SPAST: variants seen among roughly 807,000 people sequenced by gnomAD.
SPAST encodes spastin.
SPAST carries 30 observed loss-of-function variants against 76.6 expected under a neutral mutation model. That is an observed-to-expected ratio of 0.39 (90% CI 0.29 to 0.53). SPAST has a LOEUF of 0.53. SPAST is among the 20% of genes least tolerant of loss of function. SPAST has a pLI of 0.68. For synonymous variants in SPAST, 305 were observed against 281.0 expected (o/e 1.09, Z -0.86); for missense variants, 717 against 770.5 (o/e 0.93, Z 0.82).
intron 9 of SPAST, among the ~76,000 whole-genome samples, chr2:32,135,944 G>T (rs1354152337): frequency 6.6e-6 from 1 of 152,086 alleles, no homozygotes; most frequent in Non-Finnish European, 1.5e-5. Context: ...CAGGCGTGGT[G>T]GTGGGCGCCT....
chr2:32,078,914 A>G (rs1677086345), intron 1 of SPAST, among the ~76,000 whole-genome samples: 1 of 152,040 alleles, frequency 6.6e-6, no homozygotes, highest in African/African-American at 2.4e-5. Context: ...TGAAGTGGTA[A>G]GAACATGGCT....
chr2:32,074,597 C>T (rs183627781), intron 1 of SPAST, among the ~76,000 whole-genome samples: 6 of 152,062 alleles, frequency 3.9e-5, no homozygotes, highest in Admixed American at 2.6e-4. Context: ...GCCTCTGCCT[C>T]CTGGATTCAA....
intron 16 of SPAST, among the ~76,000 whole-genome samples, chr2:32,152,693 A>G (rs1680127450): frequency 6.6e-6 from 1 of 151,926 alleles, no homozygotes; most frequent in Admixed American, 6.6e-5. Context: ...AATAGGAAAC[A>G]AGTAGGGTTC....
At chr2:32,067,348 C>A (rs528344410) in intron 1 of SPAST, among the ~76,000 whole-genome samples, 2 of 152,090 alleles carry the variant, frequency 1.3e-5, no homozygotes, top group Non-Finnish European at 2.9e-5. Context: ...AGGTGTGAGC[C>A]GCGGTGACCG....
intron 1 of SPAST, among the ~76,000 whole-genome samples, chr2:32,067,625 A>C (rs1024522988): frequency 6.6e-6 from 1 of 151,712 alleles, no homozygotes; most frequent in African/African-American, 2.4e-5. Flanking sequence ...TTTCAGTTGG[A>C]TATATTAAAT....
intron 4 of SPAST, 122 bp from the exon 5 acceptor site, chr2:32,114,516 C>G (rs1678747107): frequency 2.6e-6 from 2 of 776,838 alleles, no homozygotes; most frequent in South Asian, 1.7e-5. Context: ...TCATTGAAAT[C>G]TTATTTTGAA....
chr2:32,145,058 AGAAGTT>A (rs1367779353), intron 15 of SPAST, 51 bp downstream of exon 15: 2 of 1,306,636 alleles, frequency 1.5e-6, no homozygotes, highest in Non-Finnish European at 2.2e-6. Context: ...ATACCACCTT[AGAAGTT>A]TAAGAAGTCC....
At chr2:32,109,941 T>TGTATATGCATATACATAC (rs1678476313) in intron 4 of SPAST, among the ~76,000 whole-genome samples, 3 of 148,574 alleles carry the variant, frequency 2.0e-5, no homozygotes. Flanking sequence ...CATATACATA[T>TGTATATGCATATACATAC]ATAGTTACAT....
At chr2:32,117,356 C>A (rs966289584) in intron 7 of SPAST, among the ~76,000 whole-genome samples, 3 of 151,804 alleles carry the variant, frequency 2.0e-5, no homozygotes, top group Non-Finnish European at 4.4e-5. Context: ...ATGAGTTTTC[C>A]CAGAATTGGA....
intron 14 of SPAST, among the ~76,000 whole-genome samples, chr2:32,144,706 C>G (rs191571450): frequency 3.3e-5 from 5 of 151,678 alleles, no homozygotes; most frequent in African/African-American, 1.2e-4. Flanking sequence ...ACCAACATGG[C>G]GAAACGCCAT....
chr2:32,144,605 G>T (rs1331781688), intron 14 of SPAST, among the ~76,000 whole-genome samples: 1 of 152,192 alleles, frequency 6.6e-6, no homozygotes, highest in Non-Finnish European at 1.5e-5. Context: ...TGCTGTTTCA[G>T]CTGGGTGCGG....
chr2:32,124,730 A>C (rs1355640745), intron 7 of SPAST, among the ~76,000 whole-genome samples: 4 of 152,226 alleles, frequency 2.6e-5, no homozygotes, highest in Admixed American at 2.6e-4. Flanking sequence ...ATGATCTATC[A>C]AGCCACAAAA....
intron 7 of SPAST, among the ~76,000 whole-genome samples, chr2:32,125,756 G>C (rs1483129458): frequency 6.6e-6 from 1 of 151,900 alleles, no homozygotes; most frequent in Non-Finnish European, 1.5e-5. Flanking sequence ...CCTTTGGTGG[G>C]GAGTTCCTCA....
chr2:32,098,671 T>C, intron 3 of SPAST, 125 bp from the exon 4 acceptor site: 2 of 632,566 alleles, frequency 3.2e-6, no homozygotes, highest in South Asian at 4.0e-5. Context: ...ATGCAAAAAC[T>C]TTTTATCATG....
chr2:32,153,972 G>C (rs889480401), intron 16 of SPAST, among the ~76,000 whole-genome samples: 4 of 152,152 alleles, frequency 2.6e-5, no homozygotes, highest in African/African-American at 9.7e-5. Flanking sequence ...AGCTACTCGG[G>C]AGGCTGAGAC....
chr2:32,142,865 A>T (rs1043789864), intron 13 of SPAST, among the ~76,000 whole-genome samples: 4 of 152,166 alleles, frequency 2.6e-5, no homozygotes, highest in African/African-American at 9.7e-5. Flanking sequence ...TGAATTATAT[A>T]CTTACAATGG....
intron 7 of SPAST, among the ~76,000 whole-genome samples, chr2:32,116,899 A>G (rs1678855401): frequency 6.6e-6 from 1 of 152,184 alleles, no homozygotes; most frequent in African/African-American, 2.4e-5. Flanking sequence ...ACCAGGAGGC[A>G]GAGGTTGCAG....
intron 16 of SPAST, among the ~76,000 whole-genome samples, chr2:32,152,842 G>C (rs1680132943): frequency 6.6e-6 from 1 of 151,678 alleles, no homozygotes; most frequent in African/African-American, 2.4e-5. Context: ...CAACCTCCCA[G>C]ACTCAAGTGA....
intron 3 of SPAST, among the ~76,000 whole-genome samples, chr2:32,095,776 T>C (rs1325586847): frequency 2.6e-5 from 4 of 151,896 alleles, no homozygotes; most frequent in Admixed American, 6.6e-5. Flanking sequence ...AGAAAAGATA[T>C]GTCAGGAAAA....
Sources: allele counts gnomAD v4.1 joint callset (sites outside exome capture counted in the v4.1 genomes callset), GRCh38; gene constraint gnomAD v4.1.1; transcripts MANE v1.5; gene names NCBI Gene and HGNC (gene_info 2026-07-23, HGNC 2026-07-21).